The following DDAH1 variants were observed in gnomAD, a reference collection of about 807,000 sequenced individuals.
DDAH1 encodes the protein N(G),N(G)-dimethylarginine dimethylaminohydrolase 1.
In DDAH1, 19 loss-of-function variants were observed where a neutral mutation model predicts 28.8. That is an observed-to-expected ratio of 0.66 (90% CI 0.46 to 0.97). DDAH1 has a LOEUF of 0.97. Ranked by LOEUF, DDAH1 falls within the 50% of genes least tolerant of loss-of-function variation. The pLI is 0.00. For missense variants in DDAH1, 326 were observed against 375.9 expected (o/e 0.87, Z 1.10); for synonymous variants, 153 against 154.4 (o/e 0.99, Z 0.07).
intron 1 of DDAH1, among the ~76,000 whole-genome samples, chr1:85,507,372 A>G (rs1267752066): frequency 6.6e-6 from 1 of 152,052 alleles, no homozygotes; most frequent in Non-Finnish European, 1.5e-5. Context: ...GTGTGCTGAC[A>G]TGCAGCTGTA....
chr1:85,401,179 C>A (rs969092725), intron 1 of DDAH1, among the ~76,000 whole-genome samples: 10 of 152,188 alleles, frequency 6.6e-5, no homozygotes, highest in African/African-American at 2.2e-4. Context: ...TAATACACTG[C>A]CTTGACACAG....
intron 1 of DDAH1, among the ~76,000 whole-genome samples, chr1:85,523,018 C>T (rs1221741690): frequency 2.7e-5 from 4 of 150,716 alleles, no homozygotes; most frequent in African/African-American, 9.8e-5. Flanking sequence ...GACAATTAAA[C>T]CAACAATTAC....
chr1:85,553,397 G>GTC (rs1658857752), intron 1 of DDAH1, among the ~76,000 whole-genome samples: 1 of 152,196 alleles, frequency 6.6e-6, no homozygotes, highest in Admixed American at 6.5e-5. Flanking sequence ...AAGCTAACCA[G>GTC]TCTTCTGAAA....
At chr1:85,386,532 G>C (rs1268932528) in intron 1 of DDAH1, among the ~76,000 whole-genome samples, 2 of 152,208 alleles carry the variant, frequency 1.3e-5, no homozygotes, top group East Asian at 3.9e-4. Flanking sequence ...AGGCAGTGCT[G>C]TCCCCACAGC....
chr1:85,544,908 T>A lies in DDAH1; in HGVS notation c.-123+33076A>T, dbSNP rs528574604. 3.3e-5 allele frequency among the ~76,000 whole-genome samples: 5 copies of A among 152,304 alleles called. No individual in the cohort carries two copies. In the East Asian group the frequency reaches 7.7e-4, roughly 23 times the overall value. On this transcript the variant is annotated intron_variant, in intron 1 of 6. Transcript: ENST00000426972. The stretch of plus-strand genomic sequence containing the variant: ...ACCCTGTCACACCCGCACAGATGCC[T>A]GTGAAGATAGCAACAGTGGGGTTCA...
chr1:85,339,819 T>C (rs1019800158), intron 4 of DDAH1, among the ~76,000 whole-genome samples: 18 of 152,144 alleles, frequency 1.2e-4, no homozygotes, highest in African/African-American at 4.3e-4. Flanking sequence ...AGAGAAACAG[T>C]AACCCAAAAC....
At position 85,491,046 on chromosome 1, in the gene DDAH1, C is replaced by T. The variant is rs1050389955; in HGVS notation, c.-7+5120G>A. On this transcript the variant is annotated intron_variant, in intron 2 of 6. Coordinates refer to the DDAH1 transcript ENST00000426972. ...TCTAATGACAACAGTAACATGTATT[C>T]TTTTTTTTTTTTTTTTTTTTGAGAC... is the stretch of plus-strand genomic sequence containing the variant. 2.5e-3 allele frequency among the ~76,000 whole-genome samples: 319 copies of T among 125,618 alleles called. 97 individuals are homozygous for T. The highest frequency in any genetic ancestry group is 2.7e-3 in the Non-Finnish European group (165 of 60,600). 82.4% of individuals were successfully genotyped at this position (125,618 alleles called of 152,430 possible).
At chr1:85,468,845 A>C (rs1303572050), upstream of DDAH1, among the ~76,000 whole-genome samples, 1 of 152,086 alleles carries the variant, frequency 6.6e-6, no homozygotes, top group East Asian at 1.9e-4. Context: ...AAACCATCAG[A>C]TCTCATGAGA....
chr1:85,432,953 G>T (rs1027998104), intron 1 of DDAH1, among the ~76,000 whole-genome samples: 3 of 151,950 alleles, frequency 2.0e-5, no homozygotes, highest in African/African-American at 7.3e-5. Context: ...TTTTAGTTTT[G>T]GCTTAAATAT....
chr1:85,491,591 G>A (rs1656405365), intron 2 of DDAH1, among the ~76,000 whole-genome samples: 1 of 152,196 alleles, frequency 6.6e-6, no homozygotes, highest in South Asian at 2.1e-4. Flanking sequence ...ACTGAGTCCA[G>A]ACATCCATAG....
chr1:85,329,964 A>C (rs1647662542), intron 4 of DDAH1, among the ~76,000 whole-genome samples: 1 of 152,236 alleles, frequency 6.6e-6, no homozygotes, highest in African/African-American at 2.4e-5. Flanking sequence ...GCTTATTATA[A>C]ACACAAAGAG....
At position 85,428,103 on chromosome 1, in the gene DDAH1, T is replaced by C. The variant is rs550244393; in HGVS notation, c.303+36640A>G. On this transcript the variant is annotated intron_variant, in intron 1 of 5. Coordinates refer to ENST00000284031, the MANE Select transcript of DDAH1 (RefSeq NM_012137.4). ...CTACCTAAGTAAGAACCCAAGTAGT[T>C]TGTGTGACCCAAGATCCTTCCAGTT... 8.5e-5 allele frequency among the ~76,000 whole-genome samples: 13 copies of C among 152,266 alleles called. No individual in the cohort carries two copies. The South Asian group carries it at 1.9e-3, about 22-fold the overall frequency.
At chr1:85,444,596 C>G (rs372786754) in intron 1 of DDAH1, among the ~76,000 whole-genome samples, 7 of 152,330 alleles carry the variant, frequency 4.6e-5, no homozygotes, top group Middle Eastern at 3.4e-3. Context: ...TGTGGCCCCA[C>G]AGGGTAGGTC....
At chr1:85,390,245 T>C (rs1167867450) in intron 1 of DDAH1, among the ~76,000 whole-genome samples, 1 of 152,182 alleles carries the variant, frequency 6.6e-6, no homozygotes, top group Non-Finnish European at 1.5e-5. Flanking sequence ...CCGGGGTCCC[T>C]TGGTAATGGC....
chr1:85,479,402 T>G (rs545545497), intron 2 of DDAH1, among the ~76,000 whole-genome samples: 3 of 151,758 alleles, frequency 2.0e-5, no homozygotes, highest in Non-Finnish European at 4.4e-5. Context: ...CTCGATCTCC[T>G]GACCTCATGA....
At chr1:85,439,252 A>G (rs1015586300) in intron 1 of DDAH1, among the ~76,000 whole-genome samples, 7 of 152,260 alleles carry the variant, frequency 4.6e-5, no homozygotes, top group African/African-American at 1.4e-4. Context: ...CCAACTAATC[A>G]GGAATTTCCC....
chr1:85,371,134 T>C (rs1352709937), intron 1 of DDAH1, among the ~76,000 whole-genome samples: 1 of 152,032 alleles, frequency 6.6e-6, no homozygotes, highest in Non-Finnish European at 1.5e-5. Context: ...GATGCAAAAA[T>C]CCCCCTTTGG....
At chr1:85,362,003 C>G (rs1649820955) in intron 1 of DDAH1, among the ~76,000 whole-genome samples, 1 of 152,138 alleles carries the variant, frequency 6.6e-6, no homozygotes, top group South Asian at 2.1e-4. Context: ...GATACTTGTA[C>G]TATAAAATTA....
At chr1:85,394,884 T>C (rs187742915) in intron 1 of DDAH1, among the ~76,000 whole-genome samples, 1 of 152,328 alleles carries the variant, frequency 6.6e-6, no homozygotes, top group East Asian at 1.9e-4. Context: ...TACTGACCCA[T>C]TAATTGCTAA....
Sources: gnomAD v4.1 joint callset for allele counts (sites outside exome capture counted in the v4.1 genomes callset) on GRCh38, gnomAD v4.1.1 for gene constraint, MANE v1.5 for transcripts, NCBI Gene and HGNC (gene_info 2026-07-23, HGNC 2026-07-21) for gene names.